LRRTM4: variants seen among roughly 807,000 people sequenced by gnomAD.
The protein encoded by LRRTM4 is leucine-rich repeat transmembrane neuronal protein 4.
A neutral mutation model predicts 47.6 loss-of-function variants in LRRTM4; 25 were observed. That is an observed-to-expected ratio of 0.53 (90% CI 0.38 to 0.73). The LOEUF is 0.73. LRRTM4 is among the 30% of genes least tolerant of loss of function. LRRTM4 has a pLI of 0.00. For missense variants in LRRTM4, 638 were observed against 713.4 expected (o/e 0.89, Z 1.20); for synonymous variants, 311 against 269.5 (o/e 1.15, Z -1.51).
At position 77,519,874 on chromosome 2, in the gene LRRTM4, TA is replaced by T. The variant is rs556134657; in HGVS notation, c.5-11del. 9,373 of 1,560,132 alleles carry T rather than the reference TA, an allele frequency of 6.0e-3. 43 individuals carry two copies. The highest frequency in any genetic ancestry group is 7.5e-3 in the Non-Finnish European group (8,698 of 1,153,924). ...GTAATTAAATGGAAACCTACGATAT[TA>T]AAAAAAAGACAGATGCACATTGTGA... On this transcript the variant is annotated splice_polypyrimidine_tract_variant and intron_variant, in intron 2 of 3. Coordinates refer to ENST00000409884, the MANE Select transcript of LRRTM4 (RefSeq NM_001134745.3). This position sits in a 1 kb window ranked among gnomAD's most constrained non-coding sequence, Gnocchi z 4.6.
chr2:76,873,506 GTATATATATATA>G (rs58469429), intron 3 of LRRTM4, among the ~76,000 whole-genome samples: 9 of 112,312 alleles, frequency 8.0e-5, no homozygotes, highest in African/African-American at 1.3e-4. Flanking sequence ...ATATATGTGT[GTATATATATATA>G]TATATATATA....
intron 3 of LRRTM4, among the ~76,000 whole-genome samples, chr2:77,164,329 CA>C (rs1672818624): frequency 1.3e-5 from 2 of 152,112 alleles, no homozygotes; most frequent in Non-Finnish European, 2.9e-5. Flanking sequence ...TAGACACCTA[CA>C]AAGGACTTAG....
At chr2:76,832,267 C>T (rs930344125) in intron 3 of LRRTM4, among the ~76,000 whole-genome samples, 21 of 151,934 alleles carry the variant, frequency 1.4e-4, no homozygotes, top group African/African-American at 4.4e-4. Flanking sequence ...GTATCCTTAG[C>T]GAGCCTAGAA....
intron 3 of LRRTM4, among the ~76,000 whole-genome samples, chr2:77,174,104 C>T (rs1673127409): frequency 6.6e-6 from 1 of 152,032 alleles, no homozygotes. Flanking sequence ...TCCATATCAC[C>T]CCATCCAGCC....
At chr2:76,993,274 G>A (rs1677077791) in intron 3 of LRRTM4, among the ~76,000 whole-genome samples, 1 of 151,770 alleles carries the variant, frequency 6.6e-6, no homozygotes, top group African/African-American at 2.4e-5. Flanking sequence ...GAGAAGTAGG[G>A]ACTAATTAAA....
chr2:77,402,685 A>C (rs1674007408), intron 3 of LRRTM4, among the ~76,000 whole-genome samples: 1 of 151,202 alleles, frequency 6.6e-6, no homozygotes, highest in Admixed American at 6.6e-5. Context: ...TTCACTTCTT[A>C]CTCTGTTTTC....
chr2:77,265,806 A>G (rs1676034593), intron 3 of LRRTM4, among the ~76,000 whole-genome samples: 1 of 152,228 alleles, frequency 6.6e-6, no homozygotes, highest in African/African-American at 2.4e-5. Flanking sequence ...TTTGTAAAAC[A>G]TAATGAATAA....
At chr2:77,305,376 A>G (rs1053900541) in intron 3 of LRRTM4, among the ~76,000 whole-genome samples, 2 of 152,208 alleles carry the variant, frequency 1.3e-5, no homozygotes, top group East Asian at 3.9e-4. Flanking sequence ...ATTTAATTTA[A>G]ATTCTCAAAA....
chr2:77,331,246 C>T (rs948019104), intron 3 of LRRTM4, among the ~76,000 whole-genome samples: 1 of 152,092 alleles, frequency 6.6e-6, no homozygotes, highest in Admixed American at 6.6e-5. Flanking sequence ...TATATTCTTT[C>T]CATAATACAG....
chr2:77,225,721 C>G (rs896211206), intron 3 of LRRTM4, among the ~76,000 whole-genome samples: 1 of 152,008 alleles, frequency 6.6e-6, no homozygotes, highest in African/African-American at 2.4e-5. Context: ...ATGAAATACA[C>G]AATATAGCCA....
chr2:77,308,130 T>A (rs941711056), intron 3 of LRRTM4, among the ~76,000 whole-genome samples: 4 of 146,532 alleles, frequency 2.7e-5, no homozygotes, highest in African/African-American at 9.9e-5. Context: ...TATATAATTT[T>A]ATCTATATAT....
chr2:77,269,353 C>A (rs901114493), intron 3 of LRRTM4, among the ~76,000 whole-genome samples: 1 of 151,926 alleles, frequency 6.6e-6, no homozygotes, highest in South Asian at 2.1e-4. Flanking sequence ...AATGGTGGCA[C>A]ATAAAAAATG....
chr2:77,042,353 T>C (rs1343617759), intron 3 of LRRTM4, among the ~76,000 whole-genome samples: 1 of 151,746 alleles, frequency 6.6e-6, no homozygotes, highest in Non-Finnish European at 1.5e-5. Flanking sequence ...GAAGGATTTA[T>C]GGAAATTCTG....
intron 3 of LRRTM4, among the ~76,000 whole-genome samples, chr2:77,485,668 G>A (rs1190195429): frequency 6.6e-6 from 1 of 152,174 alleles, no homozygotes; most frequent in African/African-American, 2.4e-5. Context: ...CAGCCTGGAA[G>A]CACTAAACAA....
intron 3 of LRRTM4, among the ~76,000 whole-genome samples, chr2:77,439,803 T>A (rs765095685): frequency 2.0e-5 from 3 of 152,154 alleles, no homozygotes; most frequent in Non-Finnish European, 4.4e-5. Context: ...TCATAAATTA[T>A]CCCATTTAAT....
intron 3 of LRRTM4, among the ~76,000 whole-genome samples, chr2:76,851,509 G>C (rs977451846): frequency 6.6e-6 from 1 of 152,018 alleles, no homozygotes; most frequent in Admixed American, 6.6e-5. Flanking sequence ...TGTCCTTACC[G>C]TTGCTGACAG....
chr2:76,787,686 C>T (rs146009559), intron 3 of LRRTM4, among the ~76,000 whole-genome samples: 85 of 152,034 alleles, frequency 5.6e-4, no homozygotes, highest in African/African-American at 1.9e-3. Context: ...GACTACAGCA[C>T]ACTTATTCGG....
At chr2:77,426,170 A>T (rs565405715) in intron 3 of LRRTM4, among the ~76,000 whole-genome samples, 1 of 151,326 alleles carries the variant, frequency 6.6e-6, no homozygotes, top group South Asian at 2.1e-4. Context: ...CCCCTGTTCG[A>T]TTAATCAAAA....
intron 3 of LRRTM4, among the ~76,000 whole-genome samples, chr2:76,991,845 A>G (rs1189036522): frequency 2.6e-5 from 4 of 151,572 alleles, no homozygotes; most frequent in Admixed American, 6.6e-5. Flanking sequence ...AAGAAAACTC[A>G]AAGCCAATAT....
Sources: gnomAD v4.1 joint callset for allele counts (sites outside exome capture counted in the v4.1 genomes callset) on GRCh38, gnomAD v4.1.1 for gene constraint, Gnocchi (gnomAD v3.1) non-coding constraint, MANE v1.5 for transcripts, NCBI Gene and HGNC (gene_info 2026-07-23, HGNC 2026-07-21) for gene names.